The following H6PD variants were observed in gnomAD, a reference collection of about 807,000 sequenced individuals.
The protein encoded by H6PD is GDH/6PGL endoplasmic bifunctional protein.
H6PD carries 48 observed loss-of-function variants against 61.2 expected under a neutral mutation model. The ratio of observed to expected loss-of-function variants is 0.78; its 90% CI spans 0.62 to 1.00. The LOEUF (loss-of-function observed/expected upper bound fraction) is 1.00, where lower values mean the gene tolerates loss of function less well. Ranked by LOEUF, H6PD falls within the 50% of genes least tolerant of loss-of-function variation. H6PD has a pLI of 0.00. For missense variants in H6PD, 1,093 were observed against 1,065.0 expected (o/e 1.03, Z -0.37); for synonymous variants, 480 against 457.9 (o/e 1.05, Z -0.62).
chr1:9,259,112 C>T (rs1641627050), intron 3 of H6PD, among the ~76,000 whole-genome samples: 1 of 152,216 alleles, frequency 6.6e-6, no homozygotes, highest in Admixed American at 6.5e-5. Flanking sequence ...CTGCCTCAGC[C>T]TCCCAAGTAG....
At chr1:9,261,283 C>T (rs550254865) in intron 3 of H6PD, among the ~76,000 whole-genome samples, 1 of 152,312 alleles carries the variant, frequency 6.6e-6, no homozygotes, top group African/African-American at 2.4e-5. Flanking sequence ...ATCTCCTCTC[C>T]AGCCTCACCG....
intron 4 of H6PD, 105 bp from the exon 5 acceptor site, chr1:9,263,404 C>CTGAAGCAG (rs1638403305): frequency 9.2e-7 from 1 of 1,084,716 alleles, no homozygotes; most frequent in Non-Finnish European, 1.4e-6. Context: ...AGGGGCTTCC[C>CTGAAGCAG]TGAGGCAGGG....
chr1:9,237,266 A>G (rs1263875116), intron 1 of H6PD, among the ~76,000 whole-genome samples: 3 of 39,928 alleles, frequency 7.5e-5, no homozygotes, highest in Middle Eastern at 0.028. Flanking sequence ...TTTTTTTGAG[A>G]TGGAGTCTTG....
chr1:9,239,874 G>A, intron 1 of H6PD: 1 of 562,376 alleles, frequency 1.8e-6, no homozygotes, highest in Non-Finnish European at 2.7e-6. Context: ...TAGAGCTTCA[G>A]CACAGGCTGG....
In H6PD at chr1:9,245,152, G is replaced by C; in HGVS notation, c.218G>C (p.Gly73Ala). ...GCTGCTCTGACAGCCCCCAAGCAGG[G>C]TCAAGAGCTCATGGCCAAGGCCCTG... ...HGAALTAPKQ[G>A]QELMAKALES... Residue 73 changes from glycine (G) to alanine (A), a missense_variant, in exon 2 of 5, where the codon GGT (glycine) becomes GCT (alanine). Coordinates refer to ENST00000377403, the MANE Select transcript of H6PD (RefSeq NM_004285.4). This position sits in a 1 kb window ranked among gnomAD's most constrained non-coding sequence, Gnocchi z 4.8. 1 of 1,614,232 alleles carries C rather than the reference G, an allele frequency of 6.2e-7. No homozygotes were observed. The highest frequency in any genetic ancestry group is 8.5e-7 in the Non-Finnish European group (1 of 1,180,042).
At chr1:9,262,494 G>A (rs1638356635) in intron 4 of H6PD, among the ~76,000 whole-genome samples, 166 bp downstream of exon 4, 2 of 152,242 alleles carry the variant, frequency 1.3e-5, no homozygotes, top group Admixed American at 1.3e-4. Flanking sequence ...CCTCCTACCA[G>A]CCTAAAGTGG....
At chr1:9,247,724 G>GGC (rs1201456466) in intron 3 of H6PD, among the ~76,000 whole-genome samples, 4 of 152,210 alleles carry the variant, frequency 2.6e-5, no homozygotes, top group Non-Finnish European at 1.5e-5. Context: ...ACACCCGGGA[G>GGC]GCGGGGGCCC....
chr1:9,244,848 G>A, intron 1 of H6PD, 77 bp from the exon 2 acceptor site: 1 of 1,354,954 alleles, frequency 7.4e-7, no homozygotes, highest in Non-Finnish European at 1.1e-6. Flanking sequence ...GGCAGGAAGT[G>A]TTTGTTTCCA....
intron 1 of H6PD, chr1:9,242,777 A>G: frequency 2.0e-6 from 2 of 985,484 alleles, no homozygotes; most frequent in Non-Finnish European, 2.4e-6. Context: ...TCTGAAGCGC[A>G]GCCTGCCAGC....
chr1:9,262,336 C>T lies in H6PD; in HGVS notation c.1015+8C>T, dbSNP rs1394308337. ...TGACGCCGACCTTCGCAGGTGGGCC[C>T]TGGGGCTGGGCATGGGGCACTGGGC... On this transcript the variant is annotated splice_region_variant and intron_variant, in intron 4 of 4. Coordinates refer to ENST00000377403, the MANE Select transcript of H6PD (RefSeq NM_004285.4). 56 of 1,595,626 alleles carry T rather than the reference C, an allele frequency of 3.5e-5. No homozygotes were observed. The highest frequency in any genetic ancestry group is 4.7e-5 in the Non-Finnish European group (55 of 1,171,352).
At position 9,263,905 on chromosome 1, in the gene H6PD, A is replaced by G; in HGVS notation, c.1412A>G (p.Asn471Ser). Residue 471 changes from asparagine (N) to serine (S), a missense_variant, in exon 5 of 5, where the codon AAT becomes AGT. Transcript: ENST00000377403. Reference protein sequence around the residue: ...LLSHIFHGRKNFFITTENLLA... With the variant: ...LLSHIFHGRKSFFITTENLLA... ...TCCCATATCTTCCATGGCCGGAAGA[A>G]TTTCTTCATCACCACAGAGAACTTG... 6.2e-7 allele frequency: 1 copy of G among 1,614,106 alleles called. No homozygotes were observed. The highest frequency in any genetic ancestry group is 1.3e-5 in the African/African-American group (1 of 75,054).
intron 1 of H6PD, among the ~76,000 whole-genome samples, chr1:9,238,028 G>A (rs370496868): frequency 4.6e-5 from 7 of 152,206 alleles, no homozygotes; most frequent in African/African-American, 1.7e-4. Flanking sequence ...ATTAGAAAGC[G>A]ATGTACTGTG....
At chr1:9,258,208 T>A (rs1271397178) in intron 3 of H6PD, among the ~76,000 whole-genome samples, 1 of 152,136 alleles carries the variant, frequency 6.6e-6, no homozygotes, top group East Asian at 1.9e-4. Flanking sequence ...GTTACGCCAG[T>A]GTTGTTATGT....
At position 9,264,824 on chromosome 1, in the gene H6PD, C is replaced by T. The variant is rs561393382; in HGVS notation, c.2331C>T (p.Ser777=). 1.0e-4 allele frequency: 169 copies of T among 1,612,640 alleles called. 1 individual carries two copies. In the Middle Eastern group the frequency reaches 2.3e-3, roughly 22 times the overall value. The change falls in exon 5 of 5, where the codon TCC becomes TCT. Residue 777 remains serine (S), a synonymous_variant. Transcript: ENST00000377403. ...CCATCTCGGGTGTCCTGCCGCACTC[C>T]GGCCAGCTGGTGTGGTACATGGACT... ...KWPISGVLPH[S]GQLVWYMDYD...
Position 9,268,592 on chromosome 1 carries a change from C to T in H6PD, c.*3723C>T, listed in dbSNP as rs1462621930. On this transcript the variant is annotated 3_prime_UTR_variant, in exon 5 of 5. Transcript: ENST00000377403. The stretch of plus-strand genomic sequence containing the variant: ...TTTAAGCTAGATCAAAATCTGGGGA[C>T]AAATTCTCCTGCTAACTGCAAGTTA... The T allele has an allele frequency of 3.3e-5, 5 of 152,232 alleles. No homozygotes were observed. The highest frequency in any genetic ancestry group is 1.2e-4 in the African/African-American group (5 of 41,460). The allele number at this position is 152,232 out of a possible 1,614,324, so 9.4% of individuals were successfully genotyped here. A position where few individuals can be genotyped will look rare whatever the true frequency, so the allele number is the denominator to read the frequency against.
chr1:9,252,697 A>G (rs1024360534), intron 3 of H6PD, among the ~76,000 whole-genome samples: 1 of 152,216 alleles, frequency 6.6e-6, no homozygotes, highest in African/African-American at 2.4e-5. Context: ...ATTTTAAAAA[A>G]CATATTCCCT....
intron 1 of H6PD, among the ~76,000 whole-genome samples, chr1:9,235,653 C>T (rs1640830114): frequency 6.6e-6 from 1 of 152,128 alleles, no homozygotes; most frequent in South Asian, 2.1e-4. Flanking sequence ...CTTGGTTGCC[C>T]AGGCTGGAGT....
chr1:9,258,243 A>G (rs1457691772), intron 3 of H6PD, among the ~76,000 whole-genome samples: 2 of 151,182 alleles, frequency 1.3e-5, no homozygotes, highest in African/African-American at 4.9e-5. Context: ...TGGTGGTGTT[A>G]TGTTGGTGTT....
At position 9,254,248 on chromosome 1, in the gene H6PD, G is replaced by A. The variant is rs185574129; in HGVS notation, c.745+7165G>A. The stretch of plus-strand genomic sequence containing the variant: ...TTTGTGCCTGTAATCCCAGCTACTC[G>A]GGAGGCTGAGGCAGGAGAATTGCTT... On this transcript the variant is annotated intron_variant, in intron 3 of 4. Transcript: ENST00000377403. The surrounding 1 kb of genome is among the most constrained non-coding windows in gnomAD (Gnocchi z 4.6). Among the ~76,000 whole-genome samples the A allele has an allele frequency of 1.8e-4, 27 of 152,236 alleles. No individual in the cohort carries two copies. Among genetic ancestry groups the A allele is most frequent in the African/African-American group, 4.3e-4 (18 of 41,518 alleles).
Sources: allele counts gnomAD v4.1 joint callset (sites outside exome capture counted in the v4.1 genomes callset), GRCh38; gene constraint gnomAD v4.1.1; non-coding constraint Gnocchi (gnomAD v3.1); transcripts MANE v1.5; gene names NCBI Gene and HGNC (gene_info 2026-07-23, HGNC 2026-07-21).